COL28A1: variants seen among roughly 807,000 people sequenced by gnomAD.
The protein encoded by COL28A1 is collagen type XXVIII alpha 1 chain, also known as collagen alpha-1(XXVIII) chain.
A neutral mutation model predicts 150.2 loss-of-function variants in COL28A1; 161 were observed. That is an observed-to-expected ratio of 1.07 (90% CI 0.94 to 1.22). The LOEUF (loss-of-function observed/expected upper bound fraction) is 1.22, where lower values mean the gene tolerates loss of function less well. Ranked by LOEUF, COL28A1 falls within the 50% of genes most tolerant of loss-of-function variation. The pLI is 0.00. For missense variants in COL28A1, 1,617 were observed against 1,388.3 expected, an observed-to-expected ratio of 1.16 and a Z score of -2.62; for synonymous variants, 552 against 469.7, an observed-to-expected ratio of 1.18 and a Z score of -2.26.
intron 23 of COL28A1, among the ~76,000 whole-genome samples, chr7:7,434,287 G>C (rs1186519741): frequency 6.6e-6 from 1 of 152,168 alleles, no homozygotes; most frequent in Non-Finnish European, 1.5e-5. Flanking sequence ...TGGTCTTCAG[G>C]ACAGGTAAAT....
chr7:7,389,113 G>GTT (rs574896876), intron 27 of COL28A1, among the ~76,000 whole-genome samples: 2 of 151,016 alleles, frequency 1.3e-5, no homozygotes, highest in African/African-American at 4.9e-5. Context: ...TTCTTCTAGG[G>GTT]TTTTTTTTTA....
chr7:7,479,717 A>T (rs1051353351), intron 13 of COL28A1, among the ~76,000 whole-genome samples: 1 of 152,222 alleles, frequency 6.6e-6, no homozygotes, highest in Non-Finnish European at 1.5e-5. Flanking sequence ...ATTGCTCAAA[A>T]AGCCACTAGG....
At chr7:7,345,399 AC>A in the COL28A1 span, among the ~76,000 whole-genome samples, 1 of 152,016 alleles carries the variant, frequency 6.6e-6, no homozygotes, top group African/African-American at 2.4e-5. Context: ...ATCCTGTACT[AC>A]TTGTATATTA....
chr7:7,540,120 A>G (rs1782759266), upstream of COL28A1, among the ~76,000 whole-genome samples: 1 of 152,230 alleles, frequency 6.6e-6, no homozygotes, highest in Admixed American at 6.5e-5. Context: ...TCTAAGAAAT[A>G]TCTGAAAGTA....
In COL28A1 at chr7:7,373,214, CT is replaced by C. The variant is rs766010947; in HGVS notation, c.2691del (p.Val898TrpfsTer18). 1.2e-6 allele frequency: 2 copies of C among 1,614,196 alleles called. No individual in the cohort carries two copies. The highest frequency in any genetic ancestry group is 1.1e-5 in the South Asian group (1 of 91,082). On this transcript the variant is annotated frameshift_variant, in exon 32 of 35. Transcript: ENST00000399429. LOFTEE classifies it high-confidence loss of function. The surrounding 1 kb of genome is among the most constrained non-coding windows in gnomAD (Gnocchi z 4.1). Reference protein sequence around the residue: ...MFEDARPGVKKVALVITDGQT... With the variant: ...MFEDARPGVKXVALVITDGQT... The stretch of plus-strand genomic sequence containing the variant: ...TGTCCATCAGTGATGACCAAGGCCA[CT>C]TTTTTTACACCTGGCCTTGCATCTT...
intron 7 of COL28A1, among the ~76,000 whole-genome samples, chr7:7,516,214 G>C (rs1033458097): frequency 6.6e-6 from 1 of 152,200 alleles, no homozygotes; most frequent in East Asian, 1.9e-4. Flanking sequence ...AACTATTGCA[G>C]CTAAGAATGT....
intron 1 of COL28A1, among the ~76,000 whole-genome samples, chr7:7,534,235 G>C (rs1316231637): frequency 6.6e-6 from 1 of 152,124 alleles, no homozygotes; most frequent in Non-Finnish European, 1.5e-5. Flanking sequence ...GTAGCAATTG[G>C]CCAAATGCCA....
chr7:7,372,490 A>C (rs2128283906), intron 32 of COL28A1, among the ~76,000 whole-genome samples: 1 of 152,278 alleles, frequency 6.6e-6, no homozygotes, highest in South Asian at 2.1e-4. Flanking sequence ...TTTATTCATC[A>C]TTATCTGCTT....
chr7:7,454,487 G>A (rs550287710), intron 16 of COL28A1, among the ~76,000 whole-genome samples: 17 of 151,720 alleles, frequency 1.1e-4, no homozygotes, highest in South Asian at 6.3e-4. Flanking sequence ...CATCTACCTC[G>A]AAATTTTTTT....
intron 11 of COL28A1, among the ~76,000 whole-genome samples, chr7:7,491,989 T>C (rs542417030): frequency 7.9e-5 from 12 of 152,314 alleles, no homozygotes; most frequent in African/African-American, 2.6e-4. Context: ...CATTCACACG[T>C]GTACCTTTAA....
At chr7:7,348,731 T>G in the COL28A1 span, among the ~76,000 whole-genome samples, 1 of 152,054 alleles carries the variant, frequency 6.6e-6, no homozygotes, top group Admixed American at 6.6e-5. Flanking sequence ...TCTTTTCTAG[T>G]AGACATTTGG....
At chr7:7,360,612 T>G (rs1420557558) in intron 33 of COL28A1, 84 bp from the exon 34 acceptor site, 5 of 1,176,260 alleles carry the variant, frequency 4.3e-6, no homozygotes, top group Admixed American at 2.7e-5. Context: ...ATATAAAGAC[T>G]AGTTCAGCCA....
At chr7:7,415,553 A>G (rs945399000) in intron 27 of COL28A1, among the ~76,000 whole-genome samples, 2 of 152,056 alleles carry the variant, frequency 1.3e-5, no homozygotes, top group African/African-American at 4.8e-5. Flanking sequence ...TTGTTTTTTG[A>G]GACAGAGTCT....
At chr7:7,472,369 A>T (rs1788507986) in intron 15 of COL28A1, among the ~76,000 whole-genome samples, 2 of 152,090 alleles carry the variant, frequency 1.3e-5, no homozygotes, top group Admixed American at 1.3e-4. Flanking sequence ...TCTTCTATAC[A>T]CCAACAGCAA....
chr7:7,520,504 C>G (rs1332579037), intron 5 of COL28A1, among the ~76,000 whole-genome samples: 1 of 152,220 alleles, frequency 6.6e-6, no homozygotes, highest in Non-Finnish European at 1.5e-5. Flanking sequence ...CCCTCTGTCA[C>G]TCACTTTTAA....
At chr7:7,488,836 T>C (rs1029262583) in intron 13 of COL28A1, among the ~76,000 whole-genome samples, 2 of 152,226 alleles carry the variant, frequency 1.3e-5, no homozygotes, top group Non-Finnish European at 1.5e-5. Flanking sequence ...ACATGAGAAC[T>C]CTTTTCTTCT....
At chr7:7,427,074 T>C (rs1784680969) in intron 25 of COL28A1, among the ~76,000 whole-genome samples, 1 of 152,132 alleles carries the variant, frequency 6.6e-6, no homozygotes, top group African/African-American at 2.4e-5. Flanking sequence ...ACGTACATAC[T>C]CATAAGAAGA....
chr7:7,347,222 A>G, the COL28A1 span, among the ~76,000 whole-genome samples: 1 of 152,088 alleles, frequency 6.6e-6, no homozygotes, highest in Non-Finnish European at 1.5e-5. Flanking sequence ...TCCCTGGTGC[A>G]TGAGCCCTGA....
chr7:7,541,225 A>G, the COL28A1 span, among the ~76,000 whole-genome samples: 2 of 152,040 alleles, frequency 1.3e-5, no homozygotes, highest in African/African-American at 2.4e-5. Context: ...CCTGCACAAC[A>G]GTTTGTTTCT....
Sources: allele counts gnomAD v4.1 joint callset (sites outside exome capture counted in the v4.1 genomes callset), GRCh38; gene constraint gnomAD v4.1.1; non-coding constraint Gnocchi (gnomAD v3.1); transcripts MANE v1.5; gene names NCBI Gene and HGNC (gene_info 2026-07-23, HGNC 2026-07-21).